Variants in LRTM2 observed in about 807,000 individuals in gnomAD.
The protein encoded by LRTM2 is leucine rich repeat transmembrane protein 2.
A neutral mutation model predicts 28.1 loss-of-function variants in LRTM2; 18 were observed. The observed-to-expected ratio is 0.64, with a 90% CI of 0.44 to 0.95. The LOEUF (loss-of-function observed/expected upper bound fraction) is 0.95, where lower values mean the gene tolerates loss of function less well. Among genes scored for constraint, LRTM2 ranks in the 40% least tolerant of loss-of-function variants. The probability of loss-of-function intolerance (pLI) is 0.00; values close to 1 mark genes in which losing one functional copy is unlikely to be tolerated. For missense variants in LRTM2, 436 were observed against 497.2 expected, an observed-to-expected ratio of 0.88 and a Z score of 1.17; for synonymous variants, 250 against 218.7, an observed-to-expected ratio of 1.14 and a Z score of -1.26.
At position 1,834,442 on chromosome 12, in the gene LRTM2, G is replaced by A. The variant is rs1414489345; in HGVS notation, c.834G>A (p.Lys278=). ...PCTKASPEPA[K]PKPGAEPEPE... Reference sequence around the variant, plus strand: ...CCAAGGCCAGTCCAGAGCCTGCTAAGCCCAAGCCCGGGGCTGAGCCGGAGC... The same window carrying A: ...CCAAGGCCAGTCCAGAGCCTGCTAAACCCAAGCCCGGGGCTGAGCCGGAGC... Residue 278 remains lysine (K), a synonymous_variant, in exon 5 of 5, where the codon AAG becomes AAA. Coordinates refer to ENST00000299194, the MANE Select transcript of LRTM2 (RefSeq NM_001039029.3). The surrounding 1 kb of genome is among the most constrained non-coding windows in gnomAD (Gnocchi z 7.6). The A allele has an allele frequency of 1.2e-6, 2 of 1,612,306 alleles. No homozygotes were observed. Among genetic ancestry groups the A allele is most frequent in the East Asian group, 4.5e-5 (2 of 44,892 alleles).
At chr12:1,825,976 G>C (rs1189485297) in intron 1 of LRTM2, among the ~76,000 whole-genome samples, 1 of 152,246 alleles carries the variant, frequency 6.6e-6, no homozygotes, top group Non-Finnish European at 1.5e-5. Flanking sequence ...GAGGGACAGA[G>C]AGCGTGCACG....
chr12:1,824,529 C>T (rs542593516), intron 1 of LRTM2, among the ~76,000 whole-genome samples: 11 of 152,336 alleles, frequency 7.2e-5, no homozygotes, highest in South Asian at 2.1e-4. Context: ...TATCTTTGGC[C>T]TCCCTGTCTC....
chr12:1,824,275 A>G (rs1431998777), intron 1 of LRTM2, among the ~76,000 whole-genome samples: 1 of 152,120 alleles, frequency 6.6e-6, no homozygotes, highest in Non-Finnish European at 1.5e-5. Flanking sequence ...ATCTTGTTAA[A>G]ATGCGGATTC....
rs544113805 is a variant in LRTM2 at position 1,829,242 on chromosome 12, C to T, written c.67+1027C>T. 3.3e-5 allele frequency among the ~76,000 whole-genome samples: 5 copies of T among 152,194 alleles called. No homozygotes were observed. Among genetic ancestry groups the T allele is most frequent in the African/African-American group, 7.2e-5 (3 of 41,456 alleles). On this transcript the variant is annotated intron_variant, in intron 3 of 4. Transcript: ENST00000299194. This position sits in a 1 kb window ranked among gnomAD's most constrained non-coding sequence, Gnocchi z 4.2. ...CAGGCCCTTCTCTGGGAGGGGCGAG[C>T]GGCTTCTGGTGATGCAGATCCTTTT...
Position 1,828,386 on chromosome 12 carries a change from G to A in LRTM2, c.67+171G>A, listed in dbSNP as rs1864456513. 6.6e-6 allele frequency among the ~76,000 whole-genome samples: 1 copy of A among 152,226 alleles called. No homozygotes were observed. Among genetic ancestry groups the A allele is most frequent in the South Asian group, 2.1e-4 (1 of 4,828 alleles). On this transcript the variant is annotated intron_variant, in intron 3 of 4. Transcript: ENST00000299194. The surrounding 1 kb of genome is among the most constrained non-coding windows in gnomAD (Gnocchi z 4.2). ...CTGGGAAGCCAGGGTCACGCCCACG[G>A]TGACAGCATCCCTGCCAGTCAGAGT...
Position 1,828,066 on chromosome 12 carries a change from C to A in LRTM2, c.-73-10C>A. 3 of 1,334,724 alleles carry A rather than the reference C, an allele frequency of 2.2e-6. No individual in the cohort carries two copies. Among genetic ancestry groups the A allele is most frequent in the Non-Finnish European group, 3.0e-6 (3 of 1,008,270 alleles). The allele number at this position is 1,334,724 out of a possible 1,614,324, so 82.7% of individuals were successfully genotyped here. On this transcript the variant is annotated splice_polypyrimidine_tract_variant and intron_variant, in intron 2 of 4. Coordinates refer to ENST00000299194, the MANE Select transcript of LRTM2 (RefSeq NM_001039029.3). The surrounding 1 kb of genome is among the most constrained non-coding windows in gnomAD (Gnocchi z 4.2). Reference sequence around the variant, plus strand: ...CGCCTGCCTGTGCTCAGTGCTCCTCCCTCCCTCAGGACTGACAGGCGGCGC... The same window carrying A: ...CGCCTGCCTGTGCTCAGTGCTCCTCACTCCCTCAGGACTGACAGGCGGCGC...
intron 1 of LRTM2, among the ~76,000 whole-genome samples, chr12:1,823,956 G>T (rs1364701811): frequency 6.6e-6 from 1 of 152,236 alleles, no homozygotes; most frequent in Non-Finnish European, 1.5e-5. Flanking sequence ...GAGAGCTCGG[G>T]CTCAGAGCCA....
In LRTM2 at chr12:1,828,161, G is replaced by C. The variant is rs752381627; in HGVS notation, c.13G>C (p.Gly5Arg). 6.5e-7 allele frequency: 1 copy of C among 1,543,952 alleles called. No individual in the cohort carries two copies. The highest frequency in any genetic ancestry group is 1.4e-5 in the African/African-American group (1 of 72,874). Residue 5 changes from glycine to arginine, a missense_variant, in exon 3 of 5, where the codon GGC (glycine) becomes CGC (arginine). Gly to Arg is a moderately radical substitution (Grantham distance 125). Coordinates refer to ENST00000299194, the MANE Select transcript of LRTM2 (RefSeq NM_001039029.3). The surrounding 1 kb of genome is among the most constrained non-coding windows in gnomAD (Gnocchi z 4.2). ...CGTGGGCCTCACCATGCTGGCGCCG[G>C]GCAGCAGCCCTGGGCAGAGGGGCAG... MLAP[G>R]SSPGQRGRLA...
chr12:1,828,963 C>T lies in LRTM2; in HGVS notation c.67+748C>T, dbSNP rs1565693395. ...CACGGTGGCAGGGAGGAAACGGTCCCGCGGGACGGCATTCCGCCTGACTTC... is the reference window on the plus strand; with the variant it reads ...CACGGTGGCAGGGAGGAAACGGTCCTGCGGGACGGCATTCCGCCTGACTTC... On this transcript the variant is annotated intron_variant, in intron 3 of 4. Transcript: ENST00000299194. The surrounding 1 kb of genome is among the most constrained non-coding windows in gnomAD (Gnocchi z 4.2). Among the ~76,000 whole-genome samples, 1 of 152,192 alleles carries T rather than the reference C, an allele frequency of 6.6e-6. No individual in the cohort carries two copies. Among genetic ancestry groups the T allele is most frequent in the Non-Finnish European group, 1.5e-5 (1 of 68,042 alleles).
intron 4 of LRTM2, among the ~76,000 whole-genome samples, chr12:1,832,889 C>T (rs1171758275): frequency 2.0e-5 from 3 of 152,234 alleles, no homozygotes; most frequent in Non-Finnish European, 2.9e-5. Context: ...AGGATTCAAC[C>T]GTGGGTCTTC....
At chr12:1,822,783 G>A (rs942646110) in intron 1 of LRTM2, among the ~76,000 whole-genome samples, 2 of 152,226 alleles carry the variant, frequency 1.3e-5, no homozygotes, top group Non-Finnish European at 2.9e-5. Context: ...GTCCTAGAGG[G>A]CCTGGGTGCC....
At chr12:1,831,754 C>T (rs1195390864) in intron 4 of LRTM2, among the ~76,000 whole-genome samples, 1 of 148,746 alleles carries the variant, frequency 6.7e-6, no homozygotes. Context: ...TCCACCCCCA[C>T]CCTCCCCTCC....
intron 1 of LRTM2, among the ~76,000 whole-genome samples, chr12:1,825,281 G>C (rs1864268494): frequency 6.6e-6 from 1 of 152,236 alleles, no homozygotes; most frequent in South Asian, 2.1e-4. Context: ...CTATCCAGGG[G>C]AGGCAGAAGC....
In LRTM2 at chr12:1,834,195, A is replaced by C. The variant is rs1864750154; in HGVS notation, c.659-72A>C. 6.7e-7 allele frequency: 1 copy of C among 1,487,452 alleles called. No homozygotes were observed. The highest frequency in any genetic ancestry group is 9.0e-7 in the Non-Finnish European group (1 of 1,116,324). The allele number at this position is 1,487,452 out of a possible 1,614,324, so 92.1% of individuals were successfully genotyped here. A position where few individuals can be genotyped will look rare whatever the true frequency, so the allele number is the denominator to read the frequency against. On this transcript the variant is annotated intron_variant, in intron 4 of 4. Transcript: ENST00000299194. This position sits in a 1 kb window ranked among gnomAD's most constrained non-coding sequence, Gnocchi z 7.6. ...ACCTTCTGGGGCTTCCGTTTTGGGG[A>C]GCTGGGGATGGGGAGAGGGAGTGCA...
chr12:1,832,419 A>T (rs7958636), intron 4 of LRTM2, among the ~76,000 whole-genome samples: 19,174 of 152,304 alleles, frequency 0.13, 1,531 homozygotes, highest in Non-Finnish European at 0.17. Context: ...ACGTCCATTT[A>T]TCCGTTCACT....
chr12:1,823,706 G>C (rs1363089909), intron 1 of LRTM2, among the ~76,000 whole-genome samples: 1 of 152,182 alleles, frequency 6.6e-6, no homozygotes, highest in African/African-American at 2.4e-5. Flanking sequence ...GAGAGGCTGG[G>C]AAGAGGAGAA....
At chr12:1,821,289 A>G (rs116363036) in intron 1 of LRTM2, among the ~76,000 whole-genome samples, 1,542 of 152,108 alleles carry the variant, frequency 0.01, 26 homozygotes, top group African/African-American at 0.035. Flanking sequence ...GGCAGGGAGG[A>G]GGTCCTGGAT....
Position 1,836,454 on chromosome 12 carries a change from T to A in LRTM2, c.*1733T>A, listed in dbSNP as rs1592699595. 1 of 152,088 alleles carries A rather than the reference T, an allele frequency of 6.6e-6. No homozygotes were observed. The highest frequency in any genetic ancestry group is 1.5e-5 in the Non-Finnish European group (1 of 68,120). The allele number at this position is 152,088 out of a possible 1,614,324, so 9.4% of individuals were successfully genotyped here. A position where few individuals can be genotyped will look rare whatever the true frequency, so the allele number is the denominator to read the frequency against. On this transcript the variant is annotated 3_prime_UTR_variant, in exon 5 of 5. Transcript: ENST00000299194. ...CCCTGCTCATGCGGCAGTGGGTGGG[T>A]GAGGTGGGCTGGGGGCCTGGAGGAG...
At position 1,828,084 on chromosome 12, in the gene LRTM2, G is replaced by A; in HGVS notation, c.-65G>A. The A allele has an allele frequency of 4.2e-6, 6 of 1,431,886 alleles. No individual in the cohort carries two copies. Among genetic ancestry groups the A allele is most frequent in the Non-Finnish European group, 5.6e-6 (6 of 1,080,256 alleles). The allele number at this position is 1,431,886 out of a possible 1,614,324, so 88.7% of individuals were successfully genotyped here. On this transcript the variant is annotated 5_prime_UTR_variant, in exon 3 of 5. Transcript: ENST00000299194. This position sits in a 1 kb window ranked among gnomAD's most constrained non-coding sequence, Gnocchi z 4.2. ...GCTCCTCCCTCCCTCAGGACTGACA[G>A]GCGGCGCACCCAGGGGCTCCTCTCT...
Sources: allele counts gnomAD v4.1 joint callset (sites outside exome capture counted in the v4.1 genomes callset), GRCh38; gene constraint gnomAD v4.1.1; non-coding constraint Gnocchi (gnomAD v3.1); transcripts MANE v1.5; gene names NCBI Gene and HGNC (gene_info 2026-07-23, HGNC 2026-07-21).